The following SRGAP3 variants were observed in gnomAD, a reference collection of about 807,000 sequenced individuals.
SRGAP3 encodes SLIT-ROBO Rho GTPase-activating protein 3.
Under a neutral mutation model 121.1 loss-of-function variants are expected in SRGAP3, and 39 were observed. That is an observed-to-expected ratio of 0.32 (90% CI 0.25 to 0.42). SRGAP3 has a LOEUF of 0.42. Among genes scored for constraint, SRGAP3 ranks in the 10% least tolerant of loss-of-function variants. SRGAP3 has a pLI of 1.00. For missense variants in SRGAP3, 1,213 were observed against 1,470.6 expected (o/e 0.82, Z 2.86); for synonymous variants, 601 against 570.0 (o/e 1.05, Z -0.77).
chr3:9,037,977 T>G, intron 11 of SRGAP3, 86 bp downstream of exon 11: 1 of 1,579,262 alleles, frequency 6.3e-7, no homozygotes, highest in Non-Finnish European at 8.7e-7. Context: ...TCCCTGCTTC[T>G]CCAGCTCCTG....
intron 2 of SRGAP3, among the ~76,000 whole-genome samples, chr3:9,106,873 C>T (rs1948436330): frequency 6.6e-6 from 1 of 151,904 alleles, no homozygotes; most frequent in Non-Finnish European, 1.5e-5. Flanking sequence ...ATCCACCTCC[C>T]CAAAGCCAAG....
intron 17 of SRGAP3, 128 bp from the exon 18 acceptor site, chr3:9,010,515 C>G (rs1943309844): frequency 2.1e-6 from 2 of 967,566 alleles, no homozygotes; most frequent in Non-Finnish European, 3.3e-6. Flanking sequence ...CTATACCATC[C>G]TATCTTTTCC....
intron 14 of SRGAP3, among the ~76,000 whole-genome samples, chr3:9,024,691 T>C (rs1270399782): frequency 2.0e-5 from 3 of 152,216 alleles, no homozygotes; most frequent in African/African-American, 7.2e-5. Context: ...TCTCCAGGGT[T>C]GGAGGGAGTG....
intron 3 of SRGAP3, among the ~76,000 whole-genome samples, chr3:9,270,671 T>C (rs1954456272): frequency 6.6e-6 from 1 of 152,190 alleles, no homozygotes; most frequent in East Asian, 1.9e-4. Flanking sequence ...CCTATAATCA[T>C]AAGTGTGTAA....
chr3:9,264,747 C>A (rs947969351), intron 3 of SRGAP3, among the ~76,000 whole-genome samples: 2 of 152,180 alleles, frequency 1.3e-5, no homozygotes, highest in African/African-American at 4.8e-5. Flanking sequence ...AAAAAACATT[C>A]CATGCTCATG....
At chr3:9,185,241 AGGCTGCATG>A (rs1378635336) in intron 1 of SRGAP3, among the ~76,000 whole-genome samples, 1 of 152,172 alleles carries the variant, frequency 6.6e-6, no homozygotes, top group East Asian at 1.9e-4. Context: ...TCCCATGGAC[AGGCTGCATG>A]CCCTTGGACA....
intron 2 of SRGAP3, among the ~76,000 whole-genome samples, chr3:9,328,700 A>G (rs1424170281): frequency 6.6e-6 from 1 of 152,188 alleles, no homozygotes. Flanking sequence ...CAGATGTTAA[A>G]CCAGAAAGGA....
At position 9,058,258 on chromosome 3, in the gene SRGAP3, C is replaced by G. The variant is rs1945931038; in HGVS notation, c.1016G>C (p.Gly339Ala). ...CTCCAGGAGGAAGCCTACCTCATCCCCCATGTGGGGCTGGAACTCGAACTT... is the reference window on the plus strand; with the variant it reads ...CTCCAGGAGGAAGCCTACCTCATCCGCCATGTGGGGCTGGAACTCGAACTT... ...PLKFEFQPHM[G>A]DEVCQVSAQQ... Residue 339 changes from glycine (G) to alanine (A), a missense_variant, in exon 7 of 22, where the codon GGG becomes GCG. Physicochemically the swap from Gly to Ala is moderately conservative, Grantham distance 60 (BLOSUM62 0). Transcript: ENST00000383836. 6.2e-7 allele frequency: 1 copy of G among 1,614,062 alleles called. No homozygotes were observed. Among genetic ancestry groups the G allele is most frequent in the African/African-American group, 1.3e-5 (1 of 74,944 alleles).
chr3:9,002,824 C>A (rs1942845142), intron 18 of SRGAP3, among the ~76,000 whole-genome samples: 1 of 151,956 alleles, frequency 6.6e-6, no homozygotes, highest in Non-Finnish European at 1.5e-5. Context: ...TATATGCCAA[C>A]AAGTTGGATA....
intron 3 of SRGAP3, among the ~76,000 whole-genome samples, chr3:9,325,101 TG>T (rs1955496277): frequency 6.6e-6 from 1 of 152,010 alleles, no homozygotes; most frequent in South Asian, 2.1e-4. Context: ...AATGTCCTCA[TG>T]GTCGCACATT....
At chr3:9,285,916 T>C (rs1220092175) in intron 3 of SRGAP3, among the ~76,000 whole-genome samples, 1 of 152,090 alleles carries the variant, frequency 6.6e-6, no homozygotes, top group East Asian at 1.9e-4. Flanking sequence ...GAGACCAGCC[T>C]GGGCAATACA....
chr3:9,204,484 G>A (rs1247792689), intron 1 of SRGAP3, among the ~76,000 whole-genome samples: 1 of 152,200 alleles, frequency 6.6e-6, no homozygotes, highest in African/African-American at 2.4e-5. Flanking sequence ...GACAAACACT[G>A]GCTGTCTCAG....
chr3:9,001,244 T>G (rs1388467057), intron 18 of SRGAP3, among the ~76,000 whole-genome samples: 1 of 152,214 alleles, frequency 6.6e-6, no homozygotes, highest in Non-Finnish European at 1.5e-5. Context: ...ATGTTGAATG[T>G]TCACACCACA....
At position 9,286,600 on chromosome 3, in the gene SRGAP3, G is replaced by A. The variant is rs138509267; in HGVS notation, n.442+39410C>T. ...TCACTTTATTTATTTTGTTTTTGTC[G>A]TTGTTGTTGTTGTTGTTTTTGAGAC... On this transcript the variant is annotated intron_variant and non_coding_transcript_variant, in intron 3 of 3. Coordinates refer to the SRGAP3 transcript ENST00000490889. 1.6e-4 allele frequency among the ~76,000 whole-genome samples: 24 copies of A among 152,004 alleles called. No homozygotes were observed. In the East Asian group the frequency reaches 1.9e-3, roughly 12 times the overall value.
In SRGAP3 at chr3:9,060,243, A is replaced by T. The variant is rs780850660; in HGVS notation, c.789T>A (p.Ser263=). Residue 263 remains serine, a synonymous_variant, in exon 6 of 22, where the codon TCT becomes TCA. Transcript: ENST00000383836. ...CCAGGGAGCTCACATCGATCAGATCAGAGACATCATGGATGTAGTATTTGC... is the reference window on the plus strand; with the variant it reads ...CCAGGGAGCTCACATCGATCAGATCTGAGACATCATGGATGTAGTATTTGC... The part of the protein sequence containing the change: ...AISKYYIHDV[S]DLIDCCDLGF... The T allele has an allele frequency of 6.2e-7, 1 of 1,614,094 alleles. No homozygotes were observed. The highest frequency in any genetic ancestry group is 2.2e-5 in the East Asian group (1 of 44,880).
At chr3:9,333,028 A>G (rs1460641931) in intron 1 of SRGAP3, among the ~76,000 whole-genome samples, 1 of 152,206 alleles carries the variant, frequency 6.6e-6, no homozygotes, top group Non-Finnish European at 1.5e-5. Flanking sequence ...GGCAGGGGGA[A>G]AAAATACGCT....
chr3:9,047,560 G>T, intron 9 of SRGAP3, 85 bp from the exon 10 acceptor site: 1 of 1,373,466 alleles, frequency 7.3e-7, no homozygotes, highest in Non-Finnish European at 1.0e-6. Flanking sequence ...TCTGGGACAC[G>T]GAAGCCGAAC....
intron 1 of SRGAP3, among the ~76,000 whole-genome samples, chr3:9,142,829 C>CTTTTTTTTTTTTTTTTTTTTTTT (rs397795766): frequency 1.1e-5 from 1 of 90,832 alleles, no homozygotes; most frequent in Non-Finnish European, 2.0e-5. Flanking sequence ...GGGCAATTTC[C>CTTTTTTTTTTTTTTTTTTTTTTT]TTTTTTTTTT....
chr3:9,096,937 GTA>G (rs58305278), intron 3 of SRGAP3, among the ~76,000 whole-genome samples: 3,456 of 61,026 alleles, frequency 0.057, 84 homozygotes, highest in East Asian at 0.12. Context: ...ACATTATTTT[GTA>G]TATATATATA....
Sources: gnomAD v4.1 joint callset for allele counts (sites outside exome capture counted in the v4.1 genomes callset) on GRCh38, gnomAD v4.1.1 for gene constraint, MANE v1.5 for transcripts, NCBI Gene and HGNC (gene_info 2026-07-23, HGNC 2026-07-21) for gene names.